PTPRG: variants seen among roughly 807,000 people sequenced by gnomAD.
PTPRG encodes the protein receptor-type tyrosine-protein phosphatase gamma.
Under a neutral mutation model 165.3 loss-of-function variants are expected in PTPRG, and 102 were observed. The ratio of observed to expected loss-of-function variants is 0.62; its 90% CI spans 0.53 to 0.73. The LOEUF is 0.73. PTPRG is among the 30% of genes least tolerant of loss of function. The probability of loss-of-function intolerance (pLI) is 0.00; values close to 1 mark genes in which losing one functional copy is unlikely to be tolerated. For synonymous variants in PTPRG, 675 were observed against 669.5 expected, an observed-to-expected ratio of 1.01 and a Z score of -0.13; for missense variants, 1,866 against 1,861.4, an observed-to-expected ratio of 1.00 and a Z score of -0.05.
At chr3:61,695,583 G>C (rs1057455869) in intron 1 of PTPRG, among the ~76,000 whole-genome samples, 6 of 152,132 alleles carry the variant, frequency 3.9e-5, no homozygotes, top group African/African-American at 1.4e-4. Flanking sequence ...ATACACCTCG[G>C]CATTTTAGGA....
chr3:62,281,552 G>GTTTAAAAAT lies in PTPRG; in HGVS notation c.3766-11_3766-10insTTTAAAAAT. 1.0e-5 allele frequency: 2 copies of GTTTAAAAAT among 199,698 alleles called. No homozygotes were observed. Among genetic ancestry groups the GTTTAAAAAT allele is most frequent in the Non-Finnish European group, 1.4e-5 (2 of 145,194 alleles). 12.4% of individuals were successfully genotyped at this position (199,698 alleles called of 1,614,324 possible). A position where few individuals can be genotyped will look rare whatever the true frequency, so the allele number is the denominator to read the frequency against. On this transcript the variant is annotated splice_polypyrimidine_tract_variant and intron_variant, in intron 26 of 29. Transcript: ENST00000474889. ...AACTGCAGAGGCTTTTTTTTTTTTTGGATTCCAAAGGCAGAAGATGAGTTT... is the reference window on the plus strand; with the variant it reads ...AACTGCAGAGGCTTTTTTTTTTTTTGTTTAAAAATGATTCCAAAGGCAGAAGATGAGTTT...
At chr3:61,747,260 C>T (rs1489792922) in intron 1 of PTPRG, among the ~76,000 whole-genome samples, 1 of 151,972 alleles carries the variant, frequency 6.6e-6, no homozygotes, top group Non-Finnish European at 1.5e-5. Flanking sequence ...GAAATTGAGG[C>T]TCAACCACAT....
chr3:61,974,231 C>CTTT (rs111798966), intron 2 of PTPRG, among the ~76,000 whole-genome samples: 21 of 151,832 alleles, frequency 1.4e-4, no homozygotes, highest in East Asian at 7.7e-4. Context: ...GTACATGGAA[C>CTTT]TTTTTTTGTA....
chr3:62,265,906 C>T (rs1266417850), intron 17 of PTPRG, among the ~76,000 whole-genome samples: 6 of 150,546 alleles, frequency 4.0e-5, no homozygotes, highest in African/African-American at 1.5e-4. Context: ...TACACACACA[C>T]ACACACACAC....
At position 61,963,842 on chromosome 3, in the gene PTPRG, A is replaced by G. The variant is rs1301581735; in HGVS notation, c.191-25783A>G. On this transcript the variant is annotated intron_variant, in intron 2 of 29. Transcript: ENST00000474889. The stretch of plus-strand genomic sequence containing the variant: ...CCTAAACAATGGAAATACTAAAGGA[A>G]TGCTTGTTGAAAATATGTGCAATAT... 3.3e-5 allele frequency among the ~76,000 whole-genome samples: 5 copies of G among 152,114 alleles called. No individual in the cohort carries two copies. The East Asian group carries it at 5.8e-4, about 18-fold the overall frequency.
At chr3:61,724,140 C>T (rs2032160077) in intron 1 of PTPRG, among the ~76,000 whole-genome samples, 1 of 145,432 alleles carries the variant, frequency 6.9e-6, no homozygotes, top group African/African-American at 2.6e-5. Flanking sequence ...GGCTGAGGCA[C>T]TGGAGGGGGA....
rs977339028 is a variant in PTPRG, at chr3:62,240,605, G to A, written c.2376-3202G>A. Among the ~76,000 whole-genome samples the A allele has an allele frequency of 6.6e-6, 1 of 152,180 alleles. No homozygotes were observed. The highest frequency in any genetic ancestry group is 2.4e-5 in the African/African-American group (1 of 41,428). The stretch of plus-strand genomic sequence containing the variant: ...GAAGGTTCTTTGGTCGCTAGATCCT[G>A]CATGATCTGGCTCTGGCCCACCTCT... On this transcript the variant is annotated intron_variant, in intron 14 of 29. Transcript: ENST00000474889. The surrounding 1 kb of genome is among the most constrained non-coding windows in gnomAD (Gnocchi z 5.1).
At position 61,954,239 on chromosome 3, in the gene PTPRG, G is replaced by T. The variant is rs573076857; in HGVS notation, c.191-35386G>T. Among the ~76,000 whole-genome samples, 5 of 152,316 alleles carry T rather than the reference G, an allele frequency of 3.3e-5. No individual in the cohort carries two copies. The East Asian group carries it at 9.6e-4, about 29-fold the overall frequency. On this transcript the variant is annotated intron_variant, in intron 2 of 29. Transcript: ENST00000474889. ...GGTTTGAATGTATGCATGGTTCCCT[G>T]TTAAAGTTCTCTTGTTTGAGGTTCA...
chr3:62,040,364 A>C (rs914939817), intron 4 of PTPRG, among the ~76,000 whole-genome samples: 12 of 152,228 alleles, frequency 7.9e-5, no homozygotes, highest in Admixed American at 4.6e-4. Flanking sequence ...GGTAATGATG[A>C]AGACATGTAA....
At chr3:62,148,094 C>T (rs1704188782) in intron 6 of PTPRG, among the ~76,000 whole-genome samples, 1 of 152,024 alleles carries the variant, frequency 6.6e-6, no homozygotes, top group Non-Finnish European at 1.5e-5. Flanking sequence ...TGCAGTGAGC[C>T]GAGATCGTGC....
At position 61,748,927 on chromosome 3, in the gene PTPRG, C is replaced by G. The variant is rs546223591; in HGVS notation, c.135C>G (p.Ser45Arg). 5 of 1,612,736 alleles carry G rather than the reference C, an allele frequency of 3.1e-6. No individual in the cohort carries two copies. Among genetic ancestry groups the G allele is most frequent in the Non-Finnish European group, 4.2e-6 (5 of 1,179,544 alleles). The change falls in exon 2 of 30, where the codon AGC becomes AGG. Residue 45 changes from serine to arginine, a missense_variant. Transcript: ENST00000474889. ...CCCTGCACGAGAATAGACACGGCAG[C>G]GCAGTGCAGATCCGCAGGCGCAAGG... ...VGALHENRHG[S>R]AVQIRRRKAS...
chr3:61,914,968 C>T (rs1340999992), intron 2 of PTPRG, among the ~76,000 whole-genome samples: 3 of 152,210 alleles, frequency 2.0e-5, no homozygotes, highest in Admixed American at 6.5e-5. Flanking sequence ...CGGTGACTCA[C>T]GCCTATAATC....
chr3:61,696,297 T>C (rs2030586750), intron 1 of PTPRG, among the ~76,000 whole-genome samples: 2 of 151,924 alleles, frequency 1.3e-5, no homozygotes, highest in African/African-American at 4.8e-5. Flanking sequence ...AGGCCAGGAG[T>C]TCGAGACCGG....
chr3:62,209,525 T>G (rs1700308406), intron 12 of PTPRG, among the ~76,000 whole-genome samples: 1 of 152,196 alleles, frequency 6.6e-6, no homozygotes, highest in Admixed American at 6.5e-5. Flanking sequence ...CACTGCAGCA[T>G]GCTTTATTTA....
intron 2 of PTPRG, among the ~76,000 whole-genome samples, chr3:61,932,505 G>A (rs542025538): frequency 1.3e-5 from 2 of 152,280 alleles, no homozygotes; most frequent in African/African-American, 2.4e-5. Flanking sequence ...TAAAAGGGTC[G>A]AATATAAAAA....
intron 2 of PTPRG, among the ~76,000 whole-genome samples, chr3:61,848,541 A>G (rs1236744782): frequency 6.6e-6 from 1 of 152,214 alleles, no homozygotes; most frequent in South Asian, 2.1e-4. Context: ...GTATCTTAAT[A>G]TATCTTATAG....
Position 62,255,467 on chromosome 3 carries a change from C to CT in PTPRG, c.2559+253dup, listed in dbSNP as rs1173048471. 6.6e-6 allele frequency among the ~76,000 whole-genome samples: 1 copy of CT among 151,932 alleles called. No homozygotes were observed. The highest frequency in any genetic ancestry group is 2.4e-5 in the African/African-American group (1 of 41,268). On this transcript the variant is annotated intron_variant, in intron 16 of 29. Transcript: ENST00000474889. The surrounding 1 kb of genome is among the most constrained non-coding windows in gnomAD (Gnocchi z 4.0). ...GACTTAGTGATAGAAAAGAAGCAAA[C>CT]TGGTAGGGATTGCTTTTCAGGTTCT... is the stretch of plus-strand genomic sequence containing the variant.
At chr3:61,714,744 C>T (rs1437291399) in intron 1 of PTPRG, among the ~76,000 whole-genome samples, 2 of 152,124 alleles carry the variant, frequency 1.3e-5, no homozygotes, top group Non-Finnish European at 1.5e-5. Flanking sequence ...TTCAGAGGCG[C>T]CACGTGAGCC....
intron 4 of PTPRG, among the ~76,000 whole-genome samples, chr3:62,039,802 G>A (rs1011939546): frequency 6.7e-6 from 1 of 150,318 alleles, no homozygotes; most frequent in African/African-American, 2.5e-5. Context: ...AACACTTGGC[G>A]CCTTTGCTTT....
Sources: gnomAD v4.1 joint callset for allele counts (sites outside exome capture counted in the v4.1 genomes callset) on GRCh38, gnomAD v4.1.1 for gene constraint, Gnocchi (gnomAD v3.1) non-coding constraint, MANE v1.5 for transcripts, NCBI Gene and HGNC (gene_info 2026-07-23, HGNC 2026-07-21) for gene names.